Variants in ALG9 observed in about 807,000 individuals in gnomAD.
ALG9 encodes alpha-1,2-mannosyltransferase ALG9.
Under a neutral mutation model 81.8 loss-of-function variants are expected in ALG9, and 55 were observed. That is an observed-to-expected ratio of 0.67 (90% CI 0.54 to 0.84). ALG9 has a LOEUF of 0.84. Among genes scored for constraint, ALG9 ranks in the 40% least tolerant of loss-of-function variants. ALG9 has a pLI of 0.00. For missense variants in ALG9, 629 were observed against 745.0 expected, an observed-to-expected ratio of 0.84 and a Z score of 1.81; for synonymous variants, 278 against 274.3, an observed-to-expected ratio of 1.01 and a Z score of -0.13.
intron 8 of ALG9, among the ~76,000 whole-genome samples, chr11:111,847,558 A>G (rs1311942273): frequency 6.6e-6 from 1 of 152,220 alleles, no homozygotes; most frequent in Non-Finnish European, 1.5e-5. Flanking sequence ...AATACTTGCC[A>G]GCATCAACAT....
the ALG9 span, among the ~76,000 whole-genome samples, chr11:111,777,133 G>T: frequency 7.0e-6 from 1 of 141,876 alleles, no homozygotes; most frequent in African/African-American, 3.1e-5. Context: ...AAGAGTAGCT[G>T]CTTCCTCCTC....
chr11:111,828,611 A>C (rs1302006859), intron 13 of ALG9, among the ~76,000 whole-genome samples: 1 of 152,206 alleles, frequency 6.6e-6, no homozygotes, highest in Non-Finnish European at 1.5e-5. Context: ...AAAGAGGGAA[A>C]AATTACTTGA....
intron 13 of ALG9, 101 bp downstream of exon 13, chr11:111,836,064 T>G: frequency 1.3e-6 from 2 of 1,553,412 alleles, no homozygotes; most frequent in Non-Finnish European, 1.8e-6. Flanking sequence ...AAAATTGCTT[T>G]CTAAGAAATT....
chr11:111,808,609 T>C (rs1482151273), intron 14 of ALG9, among the ~76,000 whole-genome samples: 1 of 152,246 alleles, frequency 6.6e-6, no homozygotes, highest in Non-Finnish European at 1.5e-5. Flanking sequence ...TTACACCTAG[T>C]ACCTGTGCTT....
chr11:111,845,060 C>A, intron 8 of ALG9: 1 of 266,428 alleles, frequency 3.8e-6, no homozygotes, highest in Non-Finnish European at 7.4e-6. Flanking sequence ...GCTTTAGAGC[C>A]ACATAGGGCT....
At chr11:111,849,940 A>G (rs1197380214) in intron 8 of ALG9, 1 of 152,348 alleles carries the variant, frequency 6.6e-6, no homozygotes, top group Admixed American at 6.5e-5. Context: ...TAAAACAGCC[A>G]AAACAATGCC....
At chr11:111,855,537 A>G (rs1371915041) in intron 6 of ALG9, among the ~76,000 whole-genome samples, 1 of 152,172 alleles carries the variant, frequency 6.6e-6, no homozygotes, top group Non-Finnish European at 1.5e-5. Flanking sequence ...ACCAATTAAC[A>G]CTGATGGGAA....
chr11:111,853,439 A>G lies in ALG9; in HGVS notation c.836T>C (p.Ile279Thr), dbSNP rs1958145793. The part of the protein sequence containing the change: ...IDSYYYGKLV[I>T]APLNIVLYNV... ...ATACAAAACAATGTTGAGTGGTGCA[A>G]TCACCAACTTCCCATAATAGTAGCT... is the stretch of plus-strand genomic sequence containing the variant. The change falls in exon 8 of 15, where the codon ATT becomes ACT. Residue 279 changes from isoleucine (I) to threonine (T), a missense_variant. By Grantham distance (89) the Ile-to-Thr change is moderately conservative (BLOSUM62 -1). Around this residue, in one of 3 missense-constraint regions of ALG9, gnomAD observed 344 missense variants for 390.5 expected, o/e 0.88. Transcript: ENST00000616540. The G allele has an allele frequency of 2.5e-6, 4 of 1,614,128 alleles. No individual in the cohort carries two copies. Among genetic ancestry groups the G allele is most frequent in the Non-Finnish European group, 3.4e-6 (4 of 1,179,974 alleles).
At chr11:111,798,840 A>C (rs1555077900) in intron 14 of ALG9, among the ~76,000 whole-genome samples, 1 of 152,188 alleles carries the variant, frequency 6.6e-6, no homozygotes, top group Non-Finnish European at 1.5e-5. Flanking sequence ...ATCTTCTCTC[A>C]AACTAATGGG....
intron 8 of ALG9, among the ~76,000 whole-genome samples, chr11:111,849,165 C>T (rs1957371955): frequency 6.6e-6 from 1 of 152,060 alleles, no homozygotes; most frequent in African/African-American, 2.4e-5. Flanking sequence ...ATTCTCGTGC[C>T]TCAGCCTCCT....
At chr11:111,853,153 A>G (rs1389657792) in intron 8 of ALG9, among the ~76,000 whole-genome samples, 1 of 152,108 alleles carries the variant, frequency 6.6e-6, no homozygotes, top group East Asian at 1.9e-4. Context: ...AATAACAAAC[A>G]GGAAAAATAG....
chr11:111,835,955 T>G (rs1049663845), intron 13 of ALG9, among the ~76,000 whole-genome samples: 5 of 152,202 alleles, frequency 3.3e-5, no homozygotes, highest in African/African-American at 1.2e-4. Flanking sequence ...CTTGCTATGT[T>G]GCCCAGGCTG....
intron 13 of ALG9, among the ~76,000 whole-genome samples, chr11:111,816,804 T>C (rs1951550008): frequency 6.6e-6 from 1 of 152,150 alleles, no homozygotes; most frequent in African/African-American, 2.4e-5. Flanking sequence ...CAGTGATTCC[T>C]CCCGCCTTGG....
intron 13 of ALG9, among the ~76,000 whole-genome samples, chr11:111,835,719 C>G (rs1555116838): frequency 6.6e-6 from 1 of 152,108 alleles, no homozygotes; most frequent in Non-Finnish European, 1.5e-5. Context: ...TACTGTTTTT[C>G]AACAAAAGCT....
Position 111,836,269 on chromosome 11 carries a change from C to G in ALG9, c.1498G>C (p.Glu500Gln). Residue 500 changes from glutamate (E) to glutamine (Q), a missense_variant, in exon 13 of 15, where the codon GAG becomes CAG. This residue lies in a region of ALG9 where 264 missense variants were observed against 302.2 expected (regional missense o/e 0.87). Transcript: ENST00000616540. ...GGTTTTGGTAACTGACCTCTGAACT[C>G]TGATGGAATGAACTGAAGCTGCCAA... ...DNWQLQFIPS[E>Q]FRGQLPKPFA... 6.2e-7 allele frequency: 1 copy of G among 1,614,070 alleles called. No individual in the cohort carries two copies. The highest frequency in any genetic ancestry group is 8.5e-7 in the Non-Finnish European group (1 of 1,180,010).
At chr11:111,819,566 A>G (rs782064784) in intron 13 of ALG9, among the ~76,000 whole-genome samples, 6 of 152,244 alleles carry the variant, frequency 3.9e-5, no homozygotes, top group Non-Finnish European at 5.9e-5. Flanking sequence ...AACTGTTTAG[A>G]CAGTTTGCCC....
chr11:111,768,473 A>G, the ALG9 span, among the ~76,000 whole-genome samples: 1 of 152,156 alleles, frequency 6.6e-6, no homozygotes, highest in Non-Finnish European at 1.5e-5. Context: ...TAATAAAAAC[A>G]ATTTAGCTAA....
intron 14 of ALG9, chr11:111,788,358 A>G (rs533428344): frequency 2.8e-4 from 127 of 452,924 alleles, no homozygotes; most frequent in African/African-American, 2.4e-3. Context: ...AAGGGCTTTG[A>G]TAGAGAAAGG....
intron 14 of ALG9, among the ~76,000 whole-genome samples, chr11:111,797,236 C>T (rs1555076119): frequency 6.6e-6 from 1 of 152,214 alleles, no homozygotes; most frequent in East Asian, 1.9e-4. Context: ...GGAAGTGATA[C>T]TGTGTGACTT....
Sources: gnomAD v4.1 joint callset for allele counts (sites outside exome capture counted in the v4.1 genomes callset) on GRCh38, gnomAD v4.1.1 for gene constraint, gnomAD v4.1.1 regional missense constraint, MANE v1.5 for transcripts, NCBI Gene and HGNC (gene_info 2026-07-23, HGNC 2026-07-21) for gene names.